Variants in KMT2C observed in about 807,000 individuals in gnomAD.
KMT2C encodes histone-lysine N-methyltransferase 2C.
KMT2C carries 88 observed loss-of-function variants against 507.9 expected under a neutral mutation model. That is an observed-to-expected ratio of 0.17 (90% CI 0.15 to 0.21). The LOEUF (loss-of-function observed/expected upper bound fraction) is 0.21, where lower values mean the gene tolerates loss of function less well. KMT2C is among the 10% of genes least tolerant of loss of function. KMT2C has a pLI of 1.00. For synonymous variants in KMT2C, 2,049 were observed against 2,080.8 expected (o/e 0.98, Z 0.42); for missense variants, 4,954 against 5,957.8 (o/e 0.83, Z 5.55).
Position 152,135,628 on chromosome 7 carries a change from T to C in KMT2C, c.*1204A>G, listed in dbSNP as rs2089816219. The C allele has an allele frequency of 8.8e-6, 2 of 227,110 alleles. No homozygotes were observed. The highest frequency in any genetic ancestry group is 1.1e-4 in the Admixed American group (2 of 17,566). 14.1% of individuals were successfully genotyped at this position (227,110 alleles called of 1,614,324 possible). ...ATGATTCTCTGTGGCTGAAACAAAG[T>C]TCTAATCAAAACTACTTTTGCTGAA... On this transcript the variant is annotated 3_prime_UTR_variant, in exon 59 of 59. Coordinates refer to ENST00000262189, the MANE Select transcript of KMT2C (RefSeq NM_170606.3).
rs1218552075 is a variant in KMT2C, at chr7:152,181,875, T to C, written c.5985A>G (p.Ala1995=). 34 of 1,614,098 alleles carry C rather than the reference T, an allele frequency of 2.1e-5. No individual in the cohort carries two copies. The highest frequency in any genetic ancestry group is 2.8e-5 in the Non-Finnish European group (33 of 1,180,050). ...SRSPVVSEQT[A]KGPIAAGTSD... ...TGGTTCCAGCTGCTATAGGGCCTTT[T>C]GCAGTTTGTTCTGAAACTACAGGAG... Residue 1995 remains alanine, a synonymous_variant, in exon 36 of 59, where the codon GCA becomes GCG. Coordinates refer to ENST00000262189, the MANE Select transcript of KMT2C (RefSeq NM_170606.3).
chr7:152,225,693 AG>A (rs1210272728), intron 18 of KMT2C, among the ~76,000 whole-genome samples: 2 of 152,238 alleles, frequency 1.3e-5, no homozygotes, highest in East Asian at 1.9e-4. Flanking sequence ...ACATCAGGCC[AG>A]GAAGTTTAAG....
At chr7:152,210,547 T>G (rs1425228601) in intron 23 of KMT2C, among the ~76,000 whole-genome samples, 4 of 152,054 alleles carry the variant, frequency 2.6e-5, no homozygotes, top group African/African-American at 7.2e-5. Flanking sequence ...GAGTTTTTTT[T>G]TTTTTAAAAA....
rs575625744 is a variant in KMT2C, at chr7:152,138,889, C to A, written c.14550G>T (p.Ser4850=). 1 of 1,613,602 alleles carries A rather than the reference C, an allele frequency of 6.2e-7. No homozygotes were observed. The highest frequency in any genetic ancestry group is 1.1e-5 in the South Asian group (1 of 91,070). ...CTTCAGCCACACAATTAGGTGCACA[C>A]GAATGGTTGATATACCTGCAAGCCA... ...TGGPARYINH[S]CAPNCVAEVV... is the part of the protein sequence containing the mutation. The change falls in exon 58 of 59, where the codon TCG becomes TCT. Residue 4850 remains serine (S), a synonymous_variant. Transcript: ENST00000262189. The surrounding 1 kb of genome is among the most constrained non-coding windows in gnomAD (Gnocchi z 4.2).
In KMT2C at chr7:152,236,911, T is replaced by C. The variant is rs187978581; in HGVS notation, c.2653-978A>G. Among the ~76,000 whole-genome samples the C allele has an allele frequency of 3.2e-4, 48 of 152,288 alleles. No homozygotes were observed. The East Asian group carries it at 8.7e-3, about 28-fold the overall frequency. ...GCTGACAAAAGGCTTTGTGAAAGCT[T>C]TGCTTTAAATAATCTGAATAATAAA... On this transcript the variant is annotated intron_variant, in intron 15 of 58. Coordinates refer to ENST00000262189, the MANE Select transcript of KMT2C (RefSeq NM_170606.3).
At chr7:152,331,727 C>T (rs974554355) in intron 2 of KMT2C, among the ~76,000 whole-genome samples, 1 of 148,722 alleles carries the variant, frequency 6.7e-6, no homozygotes, top group Non-Finnish European at 1.5e-5. Context: ...CGACTCACTG[C>T]CACCTCTGCC....
chr7:152,253,228 A>G (rs2095589628), intron 9 of KMT2C, among the ~76,000 whole-genome samples: 1 of 152,116 alleles, frequency 6.6e-6, no homozygotes, highest in South Asian at 2.1e-4. Context: ...TAAAATCTCC[A>G]GGAAAATTTA....
At chr7:152,163,870 G>C (rs570137316) in intron 42 of KMT2C, 44 bp from the exon 43 acceptor site, 2 of 1,565,848 alleles carry the variant, frequency 1.3e-6, no homozygotes. Flanking sequence ...ATACAGCATA[G>C]GTACTGAAGT....
intron 1 of KMT2C, among the ~76,000 whole-genome samples, chr7:152,371,204 G>A (rs2097290890): frequency 6.6e-6 from 1 of 152,060 alleles, no homozygotes; most frequent in Non-Finnish European, 1.5e-5. Flanking sequence ...CAACAATTTG[G>A]TAATGGATAC....
At chr7:152,299,095 G>C (rs183015942) in intron 6 of KMT2C, among the ~76,000 whole-genome samples, 1 of 151,984 alleles carries the variant, frequency 6.6e-6, no homozygotes, top group Non-Finnish European at 1.5e-5. Context: ...CAAGGTAAGC[G>C]GATCACAAGG....
At chr7:152,358,523 A>G (rs1026357011) in intron 2 of KMT2C, 64 bp downstream of exon 2, 4 of 977,272 alleles carry the variant, frequency 4.1e-6, no homozygotes, top group Admixed American at 1.9e-5. Context: ...CAAATGCTAC[A>G]TGCAGTGTAC....
At chr7:152,260,504 GTGGCGTGGGGGA>G (rs1047794210) in intron 9 of KMT2C, among the ~76,000 whole-genome samples, 21 of 152,162 alleles carry the variant, frequency 1.4e-4, no homozygotes, top group African/African-American at 4.8e-4. Context: ...AGGTGCTGGG[GTGGCGTGGGGGA>G]TGGGGACTCA....
intron 37 of KMT2C, 24 bp from the exon 38 acceptor site, chr7:152,178,034 A>AAT: frequency 7.1e-7 from 1 of 1,401,244 alleles, no homozygotes; most frequent in Non-Finnish European, 9.2e-7. Flanking sequence ...AAAAAAAAAA[A>AAT]AAAAAAAAGC....
chr7:152,367,263 C>A, intron 1 of KMT2C: 1 of 1,342,410 alleles, frequency 7.4e-7, no homozygotes, highest in Non-Finnish European at 1.0e-6. Context: ...AAGAAGGAAC[C>A]AACATTCAAA....
At chr7:152,147,840 T>C (rs1474536128) in intron 52 of KMT2C, among the ~76,000 whole-genome samples, 193 bp downstream of exon 52, 2 of 152,170 alleles carry the variant, frequency 1.3e-5, no homozygotes, top group Non-Finnish European at 2.9e-5. Context: ...ATATTGATTA[T>C]GAAAGTGTTT....
chr7:152,290,574 C>G (rs1447589255), intron 6 of KMT2C, among the ~76,000 whole-genome samples: 4 of 151,490 alleles, frequency 2.6e-5, no homozygotes, highest in African/African-American at 4.8e-5. Flanking sequence ...TCCCGAAGTG[C>G]TGGGATTACA....
chr7:152,141,225 G>A (rs1336659845), intron 55 of KMT2C, among the ~76,000 whole-genome samples: 1 of 152,108 alleles, frequency 6.6e-6, no homozygotes, highest in Non-Finnish European at 1.5e-5. Context: ...GGGCAACAGA[G>A]TGAGACTCCA....
At chr7:152,171,736 A>G (rs2092971051) in intron 39 of KMT2C, among the ~76,000 whole-genome samples, 1 of 152,248 alleles carries the variant, frequency 6.6e-6, no homozygotes, top group Admixed American at 6.5e-5. Flanking sequence ...ATTTAGTTTT[A>G]TAACGAACTC....
At position 152,162,656 on chromosome 7, in the gene KMT2C, T is replaced by G. The variant is rs751554790; in HGVS notation, c.10921A>C (p.Thr3641Pro). The change falls in exon 43 of 59, where the codon ACC becomes CCC. Residue 3641 changes from threonine to proline, a missense_variant. Physicochemically the swap from Thr to Pro is conservative, Grantham distance 38 (BLOSUM62 -1). Around this residue, in one of 29 missense-constraint regions of KMT2C, gnomAD observed 801 missense variants for 751.2 expected, o/e 1.07. Transcript: ENST00000262189. Reference protein sequence around the residue: ...APPTPGISETTSTPAVSTPSE... With the variant: ...APPTPGISETPSTPAVSTPSE... ...GGTGTGCTCACTGCAGGAGTAGAGGTAGTTTCTGAGATGCCTGGAGTCGGT... is the reference window on the plus strand; with the variant it reads ...GGTGTGCTCACTGCAGGAGTAGAGGGAGTTTCTGAGATGCCTGGAGTCGGT... 1 of 1,614,140 alleles carries G rather than the reference T, an allele frequency of 6.2e-7. No individual in the cohort carries two copies. Among genetic ancestry groups the G allele is most frequent in the South Asian group, 1.1e-5 (1 of 91,082 alleles).
Sources: gnomAD v4.1 joint callset for allele counts (sites outside exome capture counted in the v4.1 genomes callset) on GRCh38, gnomAD v4.1.1 for gene constraint, gnomAD v4.1.1 regional missense constraint, Gnocchi (gnomAD v3.1) non-coding constraint, MANE v1.5 for transcripts, NCBI Gene and HGNC (gene_info 2026-07-23, HGNC 2026-07-21) for gene names.